DTNA: variants seen among roughly 807,000 people sequenced by gnomAD.
The protein encoded by DTNA is dystrobrevin alpha.
A neutral mutation model predicts 100.7 loss-of-function variants in DTNA; 43 were observed. The observed-to-expected ratio is 0.43, with a 90% CI of 0.33 to 0.55. The LOEUF (loss-of-function observed/expected upper bound fraction) is 0.55. DTNA is among the 20% of genes least tolerant of loss of function. DTNA has a pLI of 0.04. For synonymous variants in DTNA, 349 were observed against 347.9 expected, an observed-to-expected ratio of 1.00 and a Z score of -0.04; for missense variants, 798 against 953.9, an observed-to-expected ratio of 0.84 and a Z score of 2.15.
chr18:34,635,723 C>A (rs891728069), intron 1 of DTNA, among the ~76,000 whole-genome samples: 1 of 152,006 alleles, frequency 6.6e-6, no homozygotes, highest in African/African-American at 2.4e-5. Flanking sequence ...TTAATATAAC[C>A]ATTGATCTCA....
At chr18:34,564,185 T>C (rs1282831062) in intron 1 of DTNA, among the ~76,000 whole-genome samples, 1 of 152,030 alleles carries the variant, frequency 6.6e-6, no homozygotes. Flanking sequence ...CTCTATCACC[T>C]AGGCTGGAGT....
chr18:34,527,645 A>G (rs966034206), intron 1 of DTNA, among the ~76,000 whole-genome samples: 3 of 152,112 alleles, frequency 2.0e-5, no homozygotes, highest in African/African-American at 4.8e-5. Flanking sequence ...TTGATCTACG[A>G]TTTTTTAGAG....
At chr18:34,867,581 GA>G in intron 17 of DTNA, 1 of 1,064,046 alleles carries the variant, frequency 9.4e-7, no homozygotes, top group African/African-American at 1.7e-5. Context: ...CATGTGCATA[GA>G]AAAAGGAAAT....
At chr18:34,809,233 C>A (rs1410837103) in intron 5 of DTNA, among the ~76,000 whole-genome samples, 1 of 152,092 alleles carries the variant, frequency 6.6e-6, no homozygotes, top group Non-Finnish European at 1.5e-5. Flanking sequence ...AGTGGCTGCC[C>A]CTTGGTGAGT....
intron 1 of DTNA, among the ~76,000 whole-genome samples, chr18:34,703,292 T>G (rs12970212): frequency 0.049 from 7,455 of 152,340 alleles, 292 homozygotes; most frequent in Non-Finnish European, 0.077. Context: ...AATGTTAATG[T>G]CTTCCTAACT....
At chr18:34,560,249 G>A (rs2046514296) in intron 1 of DTNA, among the ~76,000 whole-genome samples, 1 of 152,126 alleles carries the variant, frequency 6.6e-6, no homozygotes, top group East Asian at 1.9e-4. Flanking sequence ...TTGAGAGCAG[G>A]AACTGTATTT....
At chr18:34,580,806 T>G (rs2048540112) in intron 1 of DTNA, among the ~76,000 whole-genome samples, 1 of 152,108 alleles carries the variant, frequency 6.6e-6, no homozygotes, top group South Asian at 2.1e-4. Context: ...CCATCAACTC[T>G]CTTGCCCTGC....
chr18:34,794,821 T>A (rs546178171), intron 4 of DTNA, among the ~76,000 whole-genome samples: 1 of 152,188 alleles, frequency 6.6e-6, no homozygotes, highest in Non-Finnish European at 1.5e-5. Flanking sequence ...AATTTTCCCT[T>A]TTAGAATCAG....
At chr18:34,615,602 G>A (rs144475336) in intron 1 of DTNA, among the ~76,000 whole-genome samples, 1 of 151,992 alleles carries the variant, frequency 6.6e-6, no homozygotes, top group Non-Finnish European at 1.5e-5. Context: ...AGATGTACAA[G>A]TTGGTTTTAT....
chr18:34,823,891 G>A (rs2095790216), intron 9 of DTNA, among the ~76,000 whole-genome samples: 1 of 152,184 alleles, frequency 6.6e-6, no homozygotes, highest in African/African-American at 2.4e-5. Flanking sequence ...GGCATCCTCT[G>A]TCCTGTACTG....
At chr18:34,639,229 T>G (rs972113138) in intron 1 of DTNA, among the ~76,000 whole-genome samples, 9 of 152,202 alleles carry the variant, frequency 5.9e-5, no homozygotes, top group Non-Finnish European at 1.2e-4. Flanking sequence ...TCATCCTTTG[T>G]TGTGGGCAGC....
At chr18:34,615,818 C>T (rs1176085463) in intron 1 of DTNA, among the ~76,000 whole-genome samples, 3 of 152,230 alleles carry the variant, frequency 2.0e-5, no homozygotes, top group African/African-American at 7.2e-5. Context: ...TTAGCTCCCA[C>T]TTGTAAGTGA....
chr18:34,552,091 C>T (rs759609275), intron 1 of DTNA, among the ~76,000 whole-genome samples: 1 of 152,038 alleles, frequency 6.6e-6, no homozygotes, highest in Non-Finnish European at 1.5e-5. Flanking sequence ...CCTTCCCAAG[C>T]CACCTTATCT....
intron 21 of DTNA, 142 bp downstream of exon 21, chr18:34,882,343 G>A (rs979172826): frequency 1.2e-5 from 14 of 1,157,030 alleles, no homozygotes; most frequent in East Asian, 2.6e-5. Context: ...TCCTTAATCC[G>A]TGTCTTTTAG....
intron 4 of DTNA, among the ~76,000 whole-genome samples, chr18:34,802,599 TG>T (rs953096332): frequency 6.6e-6 from 1 of 152,228 alleles, no homozygotes; most frequent in African/African-American, 2.4e-5. Context: ...TCCCATGTTT[TG>T]CTCAAAATAT....
chr18:34,541,129 A>C (rs963234552), intron 1 of DTNA, among the ~76,000 whole-genome samples: 1 of 152,092 alleles, frequency 6.6e-6, no homozygotes, highest in African/African-American at 2.4e-5. Context: ...TCCTTTTTCT[A>C]TCTCAAAACA....
At position 34,510,114 on chromosome 18, in the gene DTNA, T is replaced by TG. The variant is rs1382112122; in HGVS notation, c.-2+16600_-2+16601insG. Reference sequence around the variant, plus strand: ...GTGTGGTTTTTTTGGTTGTTGTTGTTTTTTTTTTTTTAAGTCTGAGCTTGG... The same window carrying TG: ...GTGTGGTTTTTTTGGTTGTTGTTGTTGTTTTTTTTTTTAAGTCTGAGCTTGG... On this transcript the variant is annotated intron_variant, in intron 1 of 19. Transcript: ENST00000283365. 8.9e-5 allele frequency among the ~76,000 whole-genome samples: 13 copies of TG among 146,252 alleles called. No homozygotes were observed. The South Asian group carries it at 1.9e-3, about 22-fold the overall frequency.
At chr18:34,579,098 A>C (rs972717383) in intron 1 of DTNA, among the ~76,000 whole-genome samples, 1 of 152,148 alleles carries the variant, frequency 6.6e-6, no homozygotes, top group Non-Finnish European at 1.5e-5. Flanking sequence ...GATTGCACAC[A>C]TGCATCTTTA....
chr18:34,650,933 A>G (rs2060371423), intron 1 of DTNA, among the ~76,000 whole-genome samples: 1 of 152,198 alleles, frequency 6.6e-6, no homozygotes, highest in Non-Finnish European at 1.5e-5. Flanking sequence ...TTCTATTTTC[A>G]ACCCAATCCT....
Sources: gnomAD v4.1 joint callset for allele counts (sites outside exome capture counted in the v4.1 genomes callset) on GRCh38, gnomAD v4.1.1 for gene constraint, MANE v1.5 for transcripts, NCBI Gene and HGNC (gene_info 2026-07-23, HGNC 2026-07-21) for gene names.